Variants in RSRP1 observed in about 807,000 individuals in gnomAD.
RSRP1 encodes the protein arginine and serine rich protein 1, also known as arginine/serine-rich protein 1.
Under a neutral mutation model 33.0 loss-of-function variants are expected in RSRP1, and 37 were observed. The ratio of observed to expected loss-of-function variants is 1.12; its 90% CI spans 0.86 to 1.48. The LOEUF (loss-of-function observed/expected upper bound fraction) is 1.48. Ranked by LOEUF, RSRP1 falls within the 40% of genes most tolerant of loss-of-function variation. The pLI is 0.00. For missense variants in RSRP1, 402 were observed against 385.3 expected (o/e 1.04, Z -0.36); for synonymous variants, 167 against 158.7 (o/e 1.05, Z -0.40).
In RSRP1 at chr1:25,276,448, T is replaced by C. The variant is rs1236595358; in HGVS notation, c.-66-29419A>G. 1.7e-5 allele frequency among the ~76,000 whole-genome samples: 2 copies of C among 119,496 alleles called. 1 individual carries two copies. The highest frequency in any genetic ancestry group is 4.0e-4 in the East Asian group (2 of 5,040). The allele number at this position is 119,496 out of a possible 152,430, so 78.4% of individuals were successfully genotyped here. A position where few individuals can be genotyped will look rare whatever the true frequency, so the allele number is the denominator to read the frequency against. On this transcript the variant is annotated intron_variant, in intron 1 of 1. Coordinates refer to the RSRP1 transcript ENST00000561867. Reference sequence around the variant, plus strand: ...AAAAAAAAACACCCTGGCTGAGCATTTAGGGAGGCCAAGTGGGGAGGATCG... The same window carrying C: ...AAAAAAAAACACCCTGGCTGAGCATCTAGGGAGGCCAAGTGGGGAGGATCG...
chr1:25,245,203 C>T lies in RSRP1; in HGVS notation c.619G>A (p.Ala207Thr). Residue 207 changes from alanine to threonine, a missense_variant, in exon 3 of 5, where the codon GCC becomes ACC. Coordinates refer to ENST00000243189, the MANE Select transcript of RSRP1 (RefSeq NM_020317.5). Reference protein sequence around the residue: ...LPASLRTVPSAKETSRGIGVS... With the variant: ...LPASLRTVPSTKETSRGIGVS... ...CCTATTCCACGGCTTGTTTCTTTGG[C>T]TGAAGGAACAGTTCTGAGACTAGCT... is the stretch of plus-strand genomic sequence containing the variant. 6.2e-7 allele frequency: 1 copy of T among 1,614,050 alleles called. No individual in the cohort carries two copies. Among genetic ancestry groups the T allele is most frequent in the South Asian group, 1.1e-5 (1 of 91,076 alleles).
intron 1 of RSRP1, among the ~76,000 whole-genome samples, chr1:25,264,118 G>A (rs970087377): frequency 2.0e-5 from 3 of 151,922 alleles, no homozygotes; most frequent in Non-Finnish European, 2.9e-5. Flanking sequence ...GGCATTGAGT[G>A]TCTGCAGCTT....
intron 1 of RSRP1, among the ~76,000 whole-genome samples, chr1:25,292,350 A>G (rs1642580049): frequency 7.5e-6 from 1 of 132,660 alleles, no homozygotes; most frequent in African/African-American, 2.6e-5. Context: ...CAAGAGAGGA[A>G]GCAGGTGGAG....
At chr1:25,270,078 T>A (rs1640447070) in intron 1 of RSRP1, among the ~76,000 whole-genome samples, 1 of 131,824 alleles carries the variant, frequency 7.6e-6, no homozygotes, top group Non-Finnish European at 1.8e-5. Context: ...CATCCATTTA[T>A]CCCACTGCGC....
chr1:25,244,904 G>T, intron 3 of RSRP1: 1 of 1,324,762 alleles, frequency 7.5e-7, no homozygotes, highest in Non-Finnish European at 9.8e-7. Context: ...GGCTAGTCTT[G>T]AACTCCTGGA....
intron 1 of RSRP1, among the ~76,000 whole-genome samples, chr1:25,325,054 GAAAA>G (rs1210700112): frequency 2.1e-5 from 1 of 46,718 alleles, no homozygotes; most frequent in African/African-American, 1.1e-4. Context: ...TCTCAAAAGA[GAAAA>G]AAAAAGTAAG....
At position 25,276,523 on chromosome 1, in the gene RSRP1, C is replaced by G. The variant is rs1162455269; in HGVS notation, c.-66-29494G>C. ...GCCTAGGAAACATAGGGAGACCCCC[C>G]CCCATCTCTAAAAAAAAAAAAAAAA... On this transcript the variant is annotated intron_variant, in intron 1 of 1. Coordinates refer to the RSRP1 transcript ENST00000561867. 8.3e-4 allele frequency among the ~76,000 whole-genome samples: 50 copies of G among 59,952 alleles called. 2 individuals are homozygous for G. Among genetic ancestry groups the G allele is most frequent in the African/African-American group, 3.3e-3 (46 of 13,904 alleles). The allele number at this position is 59,952 out of a possible 152,430, so 39.3% of individuals were successfully genotyped here.
In RSRP1 at chr1:25,316,069, T is replaced by C. The variant is rs1260034209; in HGVS notation, c.-67+21909A>G. Among the ~76,000 whole-genome samples the C allele has an allele frequency of 3.1e-5, 4 of 131,098 alleles. 1 individual carries two copies. The highest frequency in any genetic ancestry group is 7.2e-5 in the Non-Finnish European group (4 of 55,548). 86.0% of individuals were successfully genotyped at this position (131,098 alleles called of 152,430 possible). Reference sequence around the variant, plus strand: ...AAAACTGGCTTGTTATGTACAACTATCCGTGGGGCTGCAGTGAACGGGCTG... The same window carrying C: ...AAAACTGGCTTGTTATGTACAACTACCCGTGGGGCTGCAGTGAACGGGCTG... On this transcript the variant is annotated intron_variant, in intron 1 of 1. Transcript: ENST00000561867.
chr1:25,285,690 G>C (rs1482199403), intron 1 of RSRP1, among the ~76,000 whole-genome samples: 2 of 135,304 alleles, frequency 1.5e-5, no homozygotes, highest in East Asian at 3.9e-4. Context: ...GTTCACCTGG[G>C]TGATGATTAC....
chr1:25,245,104 A>G, intron 3 of RSRP1, 46 bp downstream of exon 3: 1 of 1,614,040 alleles, frequency 6.2e-7, no homozygotes, highest in East Asian at 2.2e-5. Context: ...CAGATTTGAC[A>G]GTTGGCTTTC....
chr1:25,242,788 T>C (rs184536854), intron 4 of RSRP1, 83 bp from the exon 5 acceptor site: 176 of 959,310 alleles, frequency 1.8e-4, no homozygotes, highest in Admixed American at 1.2e-3. Context: ...AATAATCCCA[T>C]GTATGAGCCT....
rs1167708726 is a variant in RSRP1 at position 25,303,587 on chromosome 1, A to C, written c.-67+34391T>G. On this transcript the variant is annotated intron_variant, in intron 1 of 1. Coordinates refer to the RSRP1 transcript ENST00000561867. ...TCGGCGCATTCTCTTATTGGCTTCA[A>C]CGCCTAGTGAGGGATCCATCCTGGC... 2 of 994,586 alleles carry C rather than the reference A, an allele frequency of 2.0e-6. 1 individual carries two copies. The highest frequency in any genetic ancestry group is 3.1e-6 in the Non-Finnish European group (2 of 653,680). The allele number at this position is 994,586 out of a possible 1,614,324, so 61.6% of individuals were successfully genotyped here. A position where few individuals can be genotyped will look rare whatever the true frequency, so the allele number is the denominator to read the frequency against.
In RSRP1 at chr1:25,243,542, A is replaced by G. The variant is rs1170734250; in HGVS notation, c.756+8T>C. 7.4e-6 allele frequency: 12 copies of G among 1,613,084 alleles called. No individual in the cohort carries two copies. In the East Asian group the frequency reaches 2.5e-4, roughly 33 times the overall value. On this transcript the variant is annotated splice_region_variant and intron_variant, in intron 4 of 4. Transcript: ENST00000243189. ...ATTTTTGAGTGTTCAATGCCTGGAT[A>G]TACTTACATTAGAGCTAAAAGCTAT...
At chr1:25,312,702 G>A (rs1311340708) in intron 1 of RSRP1, among the ~76,000 whole-genome samples, 5 of 119,846 alleles carry the variant, frequency 4.2e-5, no homozygotes, top group Non-Finnish European at 5.9e-5. Flanking sequence ...GTGAGCTATG[G>A]TCGTGCCACT....
chr1:25,297,150 C>T (rs1345330931), intron 1 of RSRP1, among the ~76,000 whole-genome samples: 2 of 102,142 alleles, frequency 2.0e-5, no homozygotes, highest in Non-Finnish European at 4.7e-5. Context: ...GCAGTTTCTT[C>T]ATCTTTCTTT....
rs1424400766 is a variant in RSRP1, at chr1:25,247,141, C to T, written c.-66-112G>A. 7.4e-6 allele frequency: 5 copies of T among 675,798 alleles called. No individual in the cohort carries two copies. In the East Asian group the frequency reaches 8.9e-5, roughly 12 times the overall value. 41.9% of individuals were successfully genotyped at this position (675,798 alleles called of 1,614,324 possible). A position where few individuals can be genotyped will look rare whatever the true frequency, so the allele number is the denominator to read the frequency against. On this transcript the variant is annotated intron_variant, in intron 1 of 4. Transcript: ENST00000243189. ...GGCGGAGCCACGGCGCGGGCGGCGA[C>T]CGCCGCGACAGGAACCGAGCCCTAG...
At chr1:25,283,801 A>T (rs1352955529) in intron 1 of RSRP1, among the ~76,000 whole-genome samples, 1 of 133,788 alleles carries the variant, frequency 7.5e-6, no homozygotes, top group Non-Finnish European at 1.8e-5. Flanking sequence ...CCTGATTTGA[A>T]CCCAAGTTTG....
rs1639437104 is a variant in RSRP1, at chr1:25,246,652, G to T, written c.312C>A (p.Tyr104Ter). The T allele has an allele frequency of 2.5e-6, 4 of 1,614,034 alleles. No homozygotes were observed. The highest frequency in any genetic ancestry group is 3.4e-6 in the Non-Finnish European group (4 of 1,180,022). ...RERRYGFTRR[Y>*]YRSPSRYRSR... ...ACCGGTACCGCGAAGGAGACCGGTA[G>T]TATCTCCTGGTGAACCCGTAGCGCC... Residue 104 changes from tyrosine (Y) to a stop codon, truncating the protein, a stop_gained, in exon 2 of 5, where the codon TAC becomes TAA. Coordinates refer to ENST00000243189, the MANE Select transcript of RSRP1 (RefSeq NM_020317.5). LOFTEE classifies it high-confidence loss of function.
intron 1 of RSRP1, chr1:25,304,956 C>G (rs1643681546): frequency 7.6e-6 from 1 of 132,318 alleles, no homozygotes; most frequent in African/African-American, 2.6e-5. Context: ...TTCGCTCATT[C>G]ATTCATATAT....
Sources: allele counts gnomAD v4.1 joint callset (sites outside exome capture counted in the v4.1 genomes callset), GRCh38; gene constraint gnomAD v4.1.1; transcripts MANE v1.5; gene names NCBI Gene and HGNC (gene_info 2026-07-23, HGNC 2026-07-21).